RPL34: variants seen among roughly 807,000 people sequenced by gnomAD.
RPL34 encodes the protein ribosomal protein L34.
Under a neutral mutation model 16.3 loss-of-function variants are expected in RPL34, and 2 were observed. The observed-to-expected ratio is 0.12, with a 90% confidence interval of 0.05 to 0.39. The LOEUF is 0.39. RPL34 is among the 10% of genes least tolerant of loss of function. The pLI, the probability that RPL34 is intolerant of heterozygous loss-of-function variation, is 0.99. For missense variants in RPL34, 82 were observed against 148.8 expected (o/e 0.55, Z 2.33); for synonymous variants, 47 against 48.5 (o/e 0.97, Z 0.13).
At chr4:108,630,306 A>T (rs1726132792), downstream of RPL34, 1 of 152,204 alleles carries the variant, frequency 6.6e-6, no homozygotes, top group Non-Finnish European at 1.5e-5. Context: ...TATCTGGTAC[A>T]TGTTTGATAA....
chr4:108,626,858 T>A (rs190306153), downstream of RPL34, among the ~76,000 whole-genome samples: 2 of 152,312 alleles, frequency 1.3e-5, no homozygotes, highest in East Asian at 3.9e-4. Flanking sequence ...ATTTTGACTA[T>A]TTTCCTCAGT....
At position 108,625,295 on chromosome 4, in the gene RPL34, T is replaced by A; in HGVS notation, c.*83T>A. 2 of 761,970 alleles carry A rather than the reference T, an allele frequency of 2.6e-6. No individual in the cohort carries two copies. The highest frequency in any genetic ancestry group is 4.4e-6 in the Non-Finnish European group (2 of 453,604). The allele number at this position is 761,970 out of a possible 1,614,324, so 47.2% of individuals were successfully genotyped here. On this transcript the variant is annotated 3_prime_UTR_variant, in exon 5 of 5. Transcript: ENST00000394667. Reference sequence around the variant, plus strand: ...TTTTTTCTGTTGTAATGTGTTAGTATACAGATTTTGTTTCTGTATGGTATT... The same window carrying A: ...TTTTTTCTGTTGTAATGTGTTAGTAAACAGATTTTGTTTCTGTATGGTATT...
At chr4:108,621,326 T>G (rs1163312282) in intron 1 of RPL34, 1 of 153,412 alleles carries the variant, frequency 6.5e-6, no homozygotes, top group Non-Finnish European at 1.5e-5. Context: ...ATCACGATGT[T>G]TCCAGAAGTG....
At chr4:108,623,069 A>G (rs561310770) in intron 4 of RPL34, 1 of 152,984 alleles carries the variant, frequency 6.5e-6, no homozygotes, top group East Asian at 1.9e-4. Flanking sequence ...GTGGTGGCTT[A>G]TGCCTGAAAT....
chr4:108,628,444 G>T (rs1169464188), downstream of RPL34, among the ~76,000 whole-genome samples: 1 of 152,066 alleles, frequency 6.6e-6, no homozygotes, highest in African/African-American at 2.4e-5. Flanking sequence ...AAACTAATTG[G>T]CTGCTCTGTA....
In RPL34 at chr4:108,622,005, G is replaced by T; in HGVS notation, c.46G>T (p.Ala16Ser). 6.2e-7 allele frequency: 1 copy of T among 1,612,964 alleles called. No individual in the cohort carries two copies. Among genetic ancestry groups the T allele is most frequent in the Non-Finnish European group, 8.5e-7 (1 of 1,179,384 alleles). ...CCGACGTAGGCTTTCCTACAATACA[G>T]CCTCTAACAAAACTAGGCTGTAAGT... ...TYRRRLSYNT[A>S]SNKTRLSRTP... Residue 16 changes from alanine to serine, a missense_variant, in exon 2 of 5, where the codon GCC becomes TCC. By Grantham distance (99) the Ala-to-Ser change is moderately conservative. Transcript: ENST00000394667.
chr4:108,621,594 G>A (rs1725775181), intron 1 of RPL34: 1 of 248,192 alleles, frequency 4.0e-6, no homozygotes, highest in Admixed American at 5.0e-5. Context: ...CTAAGGATTC[G>A]ACTTCAGAGC....
intron 1 of RPL34, 163 bp downstream of exon 1, chr4:108,620,763 C>T (rs926575289): frequency 3.2e-5 from 5 of 153,940 alleles, no homozygotes; most frequent in African/African-American, 1.2e-4. Context: ...TTACTTTGAT[C>T]TTTGGAAATC....
intron 1 of RPL34, 193 bp from the exon 2 acceptor site, chr4:108,621,758 T>C (rs1342449335): frequency 3.8e-6 from 2 of 527,710 alleles, no homozygotes; most frequent in Admixed American, 6.3e-5. Flanking sequence ...TCAGGAAAGC[T>C]AACATTCTTG....
chr4:108,627,228 G>T (rs947865480), downstream of RPL34, among the ~76,000 whole-genome samples: 1 of 150,526 alleles, frequency 6.6e-6, no homozygotes, highest in African/African-American at 2.4e-5. Context: ...GACAGAGCGA[G>T]ACTCGGTCTC....
downstream of RPL34, among the ~76,000 whole-genome samples, chr4:108,627,527 C>T (rs1578326190): frequency 2.6e-5 from 4 of 152,198 alleles, no homozygotes; most frequent in East Asian, 5.8e-4. Flanking sequence ...AGAGGAGTCA[C>T]AGAACTAGTA....
chr4:108,628,789 A>G (rs1420809324), downstream of RPL34, among the ~76,000 whole-genome samples: 1 of 152,226 alleles, frequency 6.6e-6, no homozygotes, highest in Non-Finnish European at 1.5e-5. Context: ...TTGGAAAAAT[A>G]GAATGATAAA....
chr4:108,625,437 G>A (rs1725968192), downstream of RPL34: 12 of 419,716 alleles, frequency 2.9e-5, no homozygotes, highest in South Asian at 3.6e-4. Context: ...CTAGGCTGGA[G>A]TACAATGGCA....
chr4:108,624,735 T>G (rs1725929410), intron 4 of RPL34, among the ~76,000 whole-genome samples: 1 of 152,190 alleles, frequency 6.6e-6, no homozygotes, highest in Admixed American at 6.5e-5. Flanking sequence ...TTAATTTTAG[T>G]TCTTAACACA....
chr4:108,622,888 A>G (rs1403600976), intron 4 of RPL34: 2 of 333,672 alleles, frequency 6.0e-6, no homozygotes, highest in Non-Finnish European at 1.1e-5. Context: ...GGTTTGGACA[A>G]AGATAGATGG....
At chr4:108,629,446 G>A (rs762651620), downstream of RPL34, among the ~76,000 whole-genome samples, 4 of 151,994 alleles carry the variant, frequency 2.6e-5, no homozygotes, top group South Asian at 8.3e-4. Flanking sequence ...TCACAAGTTG[G>A]TGTTGAAGTT....
chr4:108,627,501 A>G (rs192909044), downstream of RPL34, among the ~76,000 whole-genome samples: 22 of 152,308 alleles, frequency 1.4e-4, no homozygotes, highest in East Asian at 4.1e-3. Flanking sequence ...AAAATTTTTA[A>G]TTAGTGTTTT....
intron 4 of RPL34, among the ~76,000 whole-genome samples, chr4:108,624,091 T>C (rs1578323659): frequency 6.6e-6 from 1 of 152,134 alleles, no homozygotes; most frequent in South Asian, 2.1e-4. Flanking sequence ...GTTCTAAAAC[T>C]TTGCTGAACA....
chr4:108,625,097 G>A (rs1352653715), intron 4 of RPL34, 31 bp from the exon 5 acceptor site: 1 of 1,460,336 alleles, frequency 6.8e-7, no homozygotes, highest in Admixed American at 1.7e-5. Context: ...TCATTTTAAA[G>A]AAATGATTAA....
Sources: allele counts gnomAD v4.1 joint callset (sites outside exome capture counted in the v4.1 genomes callset), GRCh38; gene constraint gnomAD v4.1.1; transcripts MANE v1.5; gene names NCBI Gene and HGNC (gene_info 2026-07-23, HGNC 2026-07-21).